The following OSBPL11 variants were observed in gnomAD, a reference collection of about 807,000 sequenced individuals.
OSBPL11 encodes oxysterol binding protein like 11.
Under a neutral mutation model 84.4 loss-of-function variants are expected in OSBPL11, and 33 were observed. That is an observed-to-expected ratio of 0.39 (90% CI 0.30 to 0.52). OSBPL11 has a LOEUF of 0.52. Among genes scored for constraint, OSBPL11 ranks in the 20% least tolerant of loss-of-function variants. The pLI, the probability that OSBPL11 is intolerant of heterozygous loss-of-function variation, is 0.72. For missense variants in OSBPL11, 736 were observed against 901.1 expected (o/e 0.82, Z 2.35); for synonymous variants, 276 against 310.2 (o/e 0.89, Z 1.16).
Position 125,547,465 on chromosome 3 carries a change from A to G in OSBPL11, c.1782T>C (p.Thr594=), listed in dbSNP as rs1462563338. Residue 594 remains threonine (T), a synonymous_variant, in exon 10 of 13, where the codon ACT becomes ACC. Coordinates refer to ENST00000296220, the MANE Select transcript of OSBPL11 (RefSeq NM_022776.5). Reference sequence around the variant, plus strand: ...GAAAAGTGATGCTGGCTGAATATCCAGTTTTTGCACAGTTGACACTGACTT... The same window carrying G: ...GAAAAGTGATGCTGGCTGAATATCCGGTTTTTGCACAGTTGACACTGACTT... ...GGKVSVNCAK[T]GYSASITFHT... 8.7e-6 allele frequency: 14 copies of G among 1,613,996 alleles called. No homozygotes were observed. Among genetic ancestry groups the G allele is most frequent in the Non-Finnish European group, 1.2e-5 (14 of 1,180,006 alleles).
At position 125,578,971 on chromosome 3, in the gene OSBPL11, C is replaced by A; in HGVS notation, c.478G>T (p.Ala160Ser). The A allele has an allele frequency of 6.4e-7, 1 of 1,567,970 alleles. No homozygotes were observed. The highest frequency in any genetic ancestry group is 8.7e-7 in the Non-Finnish European group (1 of 1,155,244). The change falls in exon 4 of 13, where the codon GCT becomes TCT. Residue 160 changes from alanine to serine, a missense_variant. Physicochemically the swap from Ala to Ser is moderately conservative, Grantham distance 99. Transcript: ENST00000296220. ...LQICTQHHTE[A>S]IGKNNPPLKS... ...ATAAATCTACATACCTTTCCAATAGCTTCAGTATGATGCTGTGTACATATC... is the reference window on the plus strand; with the variant it reads ...ATAAATCTACATACCTTTCCAATAGATTCAGTATGATGCTGTGTACATATC...
intron 10 of OSBPL11, among the ~76,000 whole-genome samples, chr3:125,540,328 CAAAA>C (rs201858368): frequency 6.7e-4 from 57 of 85,312 alleles, no homozygotes; most frequent in East Asian, 4.0e-3. Context: ...GGCTCTGTCT[CAAAA>C]AAAAAAAAAA....
chr3:125,563,491 A>G (rs2107600917), intron 7 of OSBPL11, among the ~76,000 whole-genome samples: 1 of 152,336 alleles, frequency 6.6e-6, no homozygotes, highest in South Asian at 2.1e-4. Flanking sequence ...AAAAGTTAAA[A>G]GGGCATATAA....
At chr3:125,572,970 G>A (rs1936264966) in intron 5 of OSBPL11, among the ~76,000 whole-genome samples, 1 of 146,060 alleles carries the variant, frequency 6.8e-6, no homozygotes, top group Non-Finnish European at 1.5e-5. Context: ...TATAAATATA[G>A]TAAGATATAT....
chr3:125,560,994 C>T (rs894386400), intron 7 of OSBPL11, among the ~76,000 whole-genome samples: 13 of 151,822 alleles, frequency 8.6e-5, no homozygotes, highest in Non-Finnish European at 1.3e-4. Context: ...CCACCATGCC[C>T]GGTCCCTTAA....
rs528586951 is a variant in OSBPL11 at position 125,531,783 on chromosome 3, G to A, written c.2178+78C>T. 47 of 1,339,642 alleles carry A rather than the reference G, an allele frequency of 3.5e-5. No homozygotes were observed. In the African/African-American group the frequency reaches 6.0e-4, roughly 17 times the overall value. 83.0% of individuals were successfully genotyped at this position (1,339,642 alleles called of 1,614,324 possible). ...TAAAAATAAAGATGTATAAGTGATA[G>A]CAATTCAACAAAGCCTAGTAAGCTA... On this transcript the variant is annotated intron_variant, in intron 12 of 12. Transcript: ENST00000296220.
At chr3:125,547,851 T>C (rs1205930583) in intron 9 of OSBPL11, among the ~76,000 whole-genome samples, 2 of 152,200 alleles carry the variant, frequency 1.3e-5, no homozygotes, top group African/African-American at 2.4e-5. Flanking sequence ...AGTGGAAACA[T>C]TTCAAGGGTT....
intron 7 of OSBPL11, 54 bp from the exon 8 acceptor site, chr3:125,560,573 T>A: frequency 9.3e-6 from 13 of 1,395,994 alleles, no homozygotes; most frequent in Non-Finnish European, 1.2e-5. Flanking sequence ...TTCATATCCA[T>A]TGAGAACAAA....
intron 6 of OSBPL11, among the ~76,000 whole-genome samples, chr3:125,566,894 T>C (rs2107602561): frequency 6.6e-6 from 1 of 152,228 alleles, no homozygotes; most frequent in East Asian, 1.9e-4. Flanking sequence ...GGGATCCTCC[T>C]GCCTCAGCCT....
rs769374432 is a variant in OSBPL11, at chr3:125,531,991, T to C, written c.2048A>G (p.Asp683Gly). The C allele has an allele frequency of 4.4e-6, 7 of 1,605,616 alleles. No homozygotes were observed. The highest frequency in any genetic ancestry group is 2.3e-5 in the South Asian group (2 of 88,640). Reference protein sequence around the residue: ...ESRRLWKNVTDSLRESEIDKA... With the variant: ...ESRRLWKNVTGSLRESEIDKA... Reference sequence around the variant, plus strand: ...ATCAATTTCAGATTCTCTCAGCGAGTCTGTCACATTTTTCCACAATCGCCT... The same window carrying C: ...ATCAATTTCAGATTCTCTCAGCGAGCCTGTCACATTTTTCCACAATCGCCT... The change falls in exon 12 of 13, where the codon GAC becomes GGC. Residue 683 changes from aspartate to glycine, a missense_variant. Asp to Gly is a moderately conservative substitution (Grantham distance 94). Transcript: ENST00000296220.
At chr3:125,584,998 T>C (rs1238633420) in intron 1 of OSBPL11, among the ~76,000 whole-genome samples, 1 of 152,182 alleles carries the variant, frequency 6.6e-6, no homozygotes, top group Non-Finnish European at 1.5e-5. Flanking sequence ...CAGGCTGCTC[T>C]CAAACTCCTG....
intron 5 of OSBPL11, among the ~76,000 whole-genome samples, chr3:125,573,767 G>T (rs1936276240): frequency 6.6e-6 from 1 of 151,358 alleles, no homozygotes; most frequent in Non-Finnish European, 1.5e-5. Context: ...AGCCATGTGG[G>T]AGGGTGAGGC....
chr3:125,553,626 G>C (rs1935946722), intron 8 of OSBPL11, among the ~76,000 whole-genome samples: 1 of 152,132 alleles, frequency 6.6e-6, no homozygotes. Flanking sequence ...CAAGAATCTA[G>C]CCTTAGGAAA....
intron 8 of OSBPL11, among the ~76,000 whole-genome samples, chr3:125,555,423 G>A (rs1172885140): frequency 6.6e-6 from 1 of 151,974 alleles, no homozygotes; most frequent in East Asian, 1.9e-4. Flanking sequence ...TGTCCTTCTA[G>A]GAACCCTAAT....
chr3:125,553,722 G>A (rs1244788204), intron 8 of OSBPL11, among the ~76,000 whole-genome samples: 101 of 152,262 alleles, frequency 6.6e-4, no homozygotes, highest in Non-Finnish European at 2.9e-4. Flanking sequence ...AACTGAAGTA[G>A]GGAACTTTCA....
At chr3:125,580,468 C>T (rs1485824179) in intron 2 of OSBPL11, among the ~76,000 whole-genome samples, 1 of 130,662 alleles carries the variant, frequency 7.7e-6, no homozygotes, top group Non-Finnish European at 1.5e-5. Flanking sequence ...GCACTAAGAT[C>T]GAGCCACTGC....
intron 6 of OSBPL11, among the ~76,000 whole-genome samples, 185 bp from the exon 7 acceptor site, chr3:125,564,028 A>T (rs1936117959): frequency 6.6e-6 from 1 of 152,234 alleles, no homozygotes; most frequent in Non-Finnish European, 1.5e-5. Flanking sequence ...ATTTTACAAC[A>T]GAGCAACTTG....
rs1164506631 is a variant in OSBPL11, at chr3:125,567,615, G to C, written c.667-20C>G. On this transcript the variant is annotated intron_variant, in intron 5 of 12. Coordinates refer to ENST00000296220, the MANE Select transcript of OSBPL11 (RefSeq NM_022776.5). ...CATCATCTAAGGAAAAAACAGTTCT[G>C]TGGGTCCTACTCATGATTTCTGTAA... 6.3e-7 allele frequency: 1 copy of C among 1,591,214 alleles called. No individual in the cohort carries two copies. The highest frequency in any genetic ancestry group is 2.2e-5 in the East Asian group (1 of 44,698).
At chr3:125,565,529 T>C (rs1936140719) in intron 6 of OSBPL11, among the ~76,000 whole-genome samples, 1 of 152,144 alleles carries the variant, frequency 6.6e-6, no homozygotes, top group Non-Finnish European at 1.5e-5. Flanking sequence ...CAAACGTATA[T>C]TTTCCAATAA....
Sources: allele counts gnomAD v4.1 joint callset (sites outside exome capture counted in the v4.1 genomes callset), GRCh38; gene constraint gnomAD v4.1.1; transcripts MANE v1.5; gene names NCBI Gene and HGNC (gene_info 2026-07-23, HGNC 2026-07-21).